The following DUSP19 variants were observed in gnomAD, a reference collection of about 807,000 sequenced individuals.
The protein encoded by DUSP19 is dual specificity protein phosphatase 19.
In DUSP19, 14 loss-of-function variants were observed where a neutral mutation model predicts 16.6. That is an observed-to-expected ratio of 0.84 (90% CI 0.56 to 1.32). The LOEUF (loss-of-function observed/expected upper bound fraction) is 1.32. DUSP19 is among the 40% of genes most tolerant of loss of function. The pLI is 0.00. For synonymous variants in DUSP19, 81 were observed against 90.5 expected, an observed-to-expected ratio of 0.90 and a Z score of 0.59; for missense variants, 258 against 255.9, an observed-to-expected ratio of 1.01 and a Z score of -0.06.
intron 3 of DUSP19, among the ~76,000 whole-genome samples, chr2:183,093,625 AG>A (rs1699759387): frequency 6.6e-6 from 1 of 152,250 alleles, no homozygotes; most frequent in South Asian, 2.1e-4. Context: ...AGTAGAAAGT[AG>A]GTAAATTGAA....
At chr2:183,079,569 AAT>A (rs1232367797) in intron 1 of DUSP19, among the ~76,000 whole-genome samples, 2 of 152,226 alleles carry the variant, frequency 1.3e-5, no homozygotes, top group Non-Finnish European at 2.9e-5. Context: ...TAATACTCGA[AAT>A]AGTCCTGTGC....
intron 3 of DUSP19, among the ~76,000 whole-genome samples, chr2:183,092,105 A>C (rs1052522074): frequency 2.6e-5 from 4 of 151,534 alleles, no homozygotes; most frequent in African/African-American, 9.7e-5. Flanking sequence ...GATTTTGGCT[A>C]CTCCCCCACC....
intron 2 of DUSP19, among the ~76,000 whole-genome samples, chr2:183,086,093 A>T (rs1053199906): frequency 3.3e-5 from 5 of 151,762 alleles, no homozygotes; most frequent in Non-Finnish European, 5.9e-5. Flanking sequence ...CAAGTGTACC[A>T]TCTGAAAGAA....
intron 1 of DUSP19, 104 bp downstream of exon 1, chr2:183,079,263 C>T: frequency 2.6e-6 from 3 of 1,145,072 alleles, no homozygotes; most frequent in East Asian, 5.0e-5. Context: ...GCTATCCTGC[C>T]GAAAAGCTGA....
intron 2 of DUSP19, among the ~76,000 whole-genome samples, chr2:183,085,610 G>A (rs1457550736): frequency 2.0e-5 from 3 of 151,810 alleles, no homozygotes; most frequent in Admixed American, 2.0e-4. Flanking sequence ...AGAGAGAGGA[G>A]CCATAGGTGA....
chr2:183,081,879 G>A (rs1699595947), intron 1 of DUSP19, among the ~76,000 whole-genome samples: 1 of 150,934 alleles, frequency 6.6e-6, no homozygotes, highest in African/African-American at 2.4e-5. Flanking sequence ...ATTCCCAGAT[G>A]GGTAACTTAA....
At chr2:183,091,899 A>G (rs1026356427) in intron 3 of DUSP19, among the ~76,000 whole-genome samples, 5 of 152,054 alleles carry the variant, frequency 3.3e-5, no homozygotes, top group Admixed American at 2.6e-4. Flanking sequence ...TACTTCTTCC[A>G]TTTTGTTTCA....
intron 2 of DUSP19, among the ~76,000 whole-genome samples, chr2:183,083,828 T>C (rs1179462094): frequency 1.3e-5 from 2 of 152,190 alleles, no homozygotes; most frequent in African/African-American, 4.8e-5. Flanking sequence ...GTTTATGTAG[T>C]TCCTCTGTGT....
Position 183,078,955 on chromosome 2 carries a change from A to G in DUSP19, c.22A>G (p.Ile8Val). The change falls in exon 1 of 4, where the codon ATT (isoleucine) becomes GTT (valine). Residue 8 changes from isoleucine (I) to valine (V), a missense_variant. Ile to Val is a conservative substitution (Grantham distance 29). Coordinates refer to ENST00000354221, the MANE Select transcript of DUSP19 (RefSeq NM_080876.4). The stretch of plus-strand genomic sequence containing the variant: ...TGTAATGTACTCCCTTAACCAGGAA[A>G]TTAAAGCATTCTCCCGGAATAATCT... MYSLNQE[I>V]KAFSRNNLRK... 17 of 1,614,114 alleles carry G rather than the reference A, an allele frequency of 1.1e-5. No homozygotes were observed. Among genetic ancestry groups the G allele is most frequent in the Non-Finnish European group, 1.4e-5 (17 of 1,180,008 alleles).
chr2:183,090,612 G>A (rs1699719943), intron 3 of DUSP19, among the ~76,000 whole-genome samples: 1 of 152,160 alleles, frequency 6.6e-6, no homozygotes, highest in South Asian at 2.1e-4. Context: ...TTAGATATAA[G>A]CATTGTTAGC....
chr2:183,085,858 T>G (rs970043774), intron 2 of DUSP19, among the ~76,000 whole-genome samples: 8,156 of 107,412 alleles, frequency 0.076, 867 homozygotes, highest in African/African-American at 0.18. Flanking sequence ...TTTTTTTTTT[T>G]TTTTTTTTTT....
intron 3 of DUSP19, among the ~76,000 whole-genome samples, chr2:183,088,178 T>C (rs1479270808): frequency 6.6e-6 from 1 of 152,168 alleles, no homozygotes; most frequent in Admixed American, 6.5e-5. Flanking sequence ...TGTGTTACTG[T>C]TGCCTACAAG....
At chr2:183,088,745 A>C (rs937826984) in intron 3 of DUSP19, among the ~76,000 whole-genome samples, 10 of 151,948 alleles carry the variant, frequency 6.6e-5, no homozygotes, top group Non-Finnish European at 1.2e-4. Context: ...TTTTAATTCA[A>C]AGCCTAATAT....
chr2:183,099,101 C>A lies in DUSP19; in HGVS notation c.*3443C>A, dbSNP rs560532628. On this transcript the variant is annotated 3_prime_UTR_variant, in exon 4 of 4. Coordinates refer to ENST00000354221, the MANE Select transcript of DUSP19 (RefSeq NM_080876.4). ...ATAATTTCAGTGGTAGTGGGGAAAC[C>A]TGAATTTGTCAGCATGATTATTTGT... The A allele has an allele frequency of 7.2e-5, 11 of 151,838 alleles. No individual in the cohort carries two copies. The South Asian group carries it at 2.3e-3, about 32-fold the overall frequency. 9.4% of individuals were successfully genotyped at this position (151,838 alleles called of 1,614,324 possible).
chr2:183,078,812 A>T lies in DUSP19; in HGVS notation c.-122A>T. 1 of 809,988 alleles carries T rather than the reference A, an allele frequency of 1.2e-6. No homozygotes were observed. The highest frequency in any genetic ancestry group is 1.9e-6 in the Non-Finnish European group (1 of 514,462). 50.2% of individuals were successfully genotyped at this position (809,988 alleles called of 1,614,324 possible). On this transcript the variant is annotated 5_prime_UTR_variant, in exon 1 of 4. Transcript: ENST00000354221. ...CTCTTGGTCTGTGGCTGCTGCGGTT[A>T]CCTGGATGGGCGAGCACCTCTGAGG...
intron 2 of DUSP19, among the ~76,000 whole-genome samples, chr2:183,086,588 C>G (rs1269111240): frequency 1.4e-5 from 2 of 147,756 alleles, no homozygotes; most frequent in Non-Finnish European, 3.0e-5. Flanking sequence ...GGGAGCATCA[C>G]TTGAGGCCAG....
Position 183,078,939 on chromosome 2 carries a change from C to G in DUSP19, c.6C>G (p.Tyr2Ter). The G allele has an allele frequency of 1.2e-6, 2 of 1,613,948 alleles. No homozygotes were observed. The highest frequency in any genetic ancestry group is 1.7e-6 in the Non-Finnish European group (2 of 1,179,942). M[Y>*]SLNQEIKAFS... The stretch of plus-strand genomic sequence containing the variant: ...TCCCAGCCACTGCTCATGTAATGTA[C>G]TCCCTTAACCAGGAAATTAAAGCAT... The change falls in exon 1 of 4, where the codon TAC becomes TAG. Residue 2 changes from tyrosine to a stop codon, truncating the protein, a stop_gained. Coordinates refer to ENST00000354221, the MANE Select transcript of DUSP19 (RefSeq NM_080876.4). LOFTEE classifies it high-confidence loss of function.
intron 2 of DUSP19, 97 bp from the exon 3 acceptor site, chr2:183,086,943 T>C (rs1575094780): frequency 8.0e-7 from 1 of 1,242,334 alleles, no homozygotes; most frequent in South Asian, 1.4e-5. Context: ...ATTTAAATTT[T>C]TTACCTTTCT....
At chr2:183,082,561 T>C (rs1304351159) in intron 1 of DUSP19, among the ~76,000 whole-genome samples, 1 of 151,494 alleles carries the variant, frequency 6.6e-6, no homozygotes, top group African/African-American at 2.4e-5. Context: ...GTAGCTGGGA[T>C]TACAGGCATG....
Sources: allele counts gnomAD v4.1 joint callset (sites outside exome capture counted in the v4.1 genomes callset), GRCh38; gene constraint gnomAD v4.1.1; transcripts MANE v1.5; gene names NCBI Gene and HGNC (gene_info 2026-07-23, HGNC 2026-07-21).